Variants in USP20 observed in about 807,000 individuals in gnomAD.
USP20 encodes ubiquitin carboxyl-terminal hydrolase 20.
In USP20, 80 loss-of-function variants were observed where a neutral mutation model predicts 124.2. That is an observed-to-expected ratio of 0.64 (90% CI 0.54 to 0.78). The LOEUF (loss-of-function observed/expected upper bound fraction) is 0.78. Among genes scored for constraint, USP20 ranks in the 30% least tolerant of loss-of-function variants. The pLI, the probability that USP20 is intolerant of heterozygous loss-of-function variation, is 0.00. For missense variants in USP20, 1,043 were observed against 1,244.4 expected (o/e 0.84, Z 2.44); for synonymous variants, 481 against 512.3 (o/e 0.94, Z 0.83).
intron 3 of USP20, 63 bp downstream of exon 3, chr9:129,852,699 G>A: frequency 6.7e-7 from 1 of 1,493,352 alleles, no homozygotes; most frequent in Non-Finnish European, 9.1e-7. Context: ...CCTGGGGTGT[G>A]GACATTTCTG....
At chr9:129,850,685 C>T (rs141243934) in intron 2 of USP20, among the ~76,000 whole-genome samples, 15 of 152,014 alleles carry the variant, frequency 9.9e-5, no homozygotes, top group East Asian at 9.7e-4. Flanking sequence ...GATGGAGTTG[C>T]GCTCTTGTTG....
intron 17 of USP20, 56 bp downstream of exon 17, chr9:129,873,800 A>G (rs936311378): frequency 6.9e-6 from 11 of 1,594,946 alleles, no homozygotes; most frequent in East Asian, 4.5e-5. Context: ...GCACACCAGC[A>G]CACACCAGGC....
chr9:129,863,953 A>G (rs981817679), intron 9 of USP20, among the ~76,000 whole-genome samples: 4 of 151,988 alleles, frequency 2.6e-5, no homozygotes, highest in Non-Finnish European at 5.9e-5. Flanking sequence ...TAAAAATACA[A>G]AAATTAGCTG....
At chr9:129,876,554 G>A (rs1048523367) in intron 22 of USP20, among the ~76,000 whole-genome samples, 8 of 151,652 alleles carry the variant, frequency 5.3e-5, no homozygotes, top group Non-Finnish European at 8.8e-5. Context: ...CAGGATAATC[G>A]CTTGAACCTG....
At chr9:129,873,080 C>CTTCTTTT (rs1463874554) in intron 15 of USP20, among the ~76,000 whole-genome samples, 1 of 78,358 alleles carries the variant, frequency 1.3e-5, no homozygotes, top group South Asian at 5.1e-4. Context: ...TTTTCTTCTT[C>CTTCTTTT]TTTTTTTTTT....
rs1266281673 is a variant in USP20, at chr9:129,880,008, G to A, written c.2585-105G>A. The A allele has an allele frequency of 3.3e-5, 47 of 1,411,476 alleles. 1 individual carries two copies. Among genetic ancestry groups the A allele is most frequent in the African/African-American group, 1.3e-4 (9 of 69,988 alleles). 87.4% of individuals were successfully genotyped at this position (1,411,476 alleles called of 1,614,324 possible). ...GCTTTGCATAGAAGCCCTGGTTGCC[G>A]TCTTCCCGCTTCGGGGCCTGGCCCT... On this transcript the variant is annotated intron_variant, in intron 24 of 25. Coordinates refer to ENST00000372429, the MANE Select transcript of USP20 (RefSeq NM_001110303.4).
At chr9:129,848,818 A>G (rs1035962751) in intron 1 of USP20, among the ~76,000 whole-genome samples, 8 of 152,192 alleles carry the variant, frequency 5.3e-5, no homozygotes, top group African/African-American at 1.4e-4. Flanking sequence ...AGCAGAAACA[A>G]TGAAGAAAAC....
chr9:129,870,949 C>A (rs913283841), intron 15 of USP20, among the ~76,000 whole-genome samples: 2 of 152,064 alleles, frequency 1.3e-5, no homozygotes, highest in African/African-American at 4.8e-5. Context: ...GGCATCTAAA[C>A]CTTTGGGAAA....
chr9:129,875,533 G>C, intron 20 of USP20, 27 bp from the exon 21 acceptor site: 2 of 1,613,830 alleles, frequency 1.2e-6, no homozygotes, highest in Non-Finnish European at 1.7e-6. Context: ...CCGAGCCACA[G>C]CTTCGCTCCC....
At chr9:129,836,362 T>C (rs553968637) in intron 1 of USP20, among the ~76,000 whole-genome samples, 5 of 152,258 alleles carry the variant, frequency 3.3e-5, no homozygotes. Flanking sequence ...TTGAGGTAGA[T>C]TGTTTTTCGT....
chr9:129,873,708 C>T lies in USP20; in HGVS notation c.1704C>T (p.Asn568=), dbSNP rs368753236. The change falls in exon 17 of 26, where the codon AAC becomes AAT. Residue 568 remains asparagine, a synonymous_variant. Coordinates refer to ENST00000372429, the MANE Select transcript of USP20 (RefSeq NM_001110303.4). ...CGTGCTTCCTCCCCAGGCTGCGGAA[C>T]GGAGTGAAGTACTGCAAAGTCCTGC... ...YSCERCKKLR[N]GVKYCKVLRL... The T allele has an allele frequency of 2.2e-4, 352 of 1,613,304 alleles. 11 individuals carry two copies. In the East Asian group the frequency reaches 2.5e-3, roughly 11 times the overall value.
chr9:129,866,813 C>T (rs1292649216), intron 10 of USP20, among the ~76,000 whole-genome samples: 2 of 152,184 alleles, frequency 1.3e-5, no homozygotes, highest in Non-Finnish European at 2.9e-5. Flanking sequence ...AAAGGAAGAA[C>T]CAGAAAGAGA....
intron 15 of USP20, among the ~76,000 whole-genome samples, chr9:129,871,756 G>A (rs1048215121): frequency 2.0e-5 from 3 of 152,118 alleles, no homozygotes; most frequent in Admixed American, 6.5e-5. Context: ...CTCTCTTGAC[G>A]CCCAGGCTGG....
intron 15 of USP20, among the ~76,000 whole-genome samples, chr9:129,872,159 CT>C (rs1230187695): frequency 1.4e-5 from 2 of 147,048 alleles, no homozygotes; most frequent in African/African-American, 2.5e-5. Flanking sequence ...TATAGGGATT[CT>C]TTTTTTTCTT....
chr9:129,855,640 G>A (rs2033173922), intron 3 of USP20, among the ~76,000 whole-genome samples: 1 of 152,114 alleles, frequency 6.6e-6, no homozygotes, highest in African/African-American at 2.4e-5. Flanking sequence ...GGCACACATC[G>A]TTTTTGCTAG....
intron 4 of USP20, among the ~76,000 whole-genome samples, chr9:129,857,609 C>G (rs1007092047): frequency 2.0e-5 from 3 of 152,192 alleles, no homozygotes. Flanking sequence ...ACCTGTGACC[C>G]TTGTTTCAAA....
chr9:129,836,000 G>C (rs7020989), intron 1 of USP20: 26,630 of 152,078 alleles, frequency 0.18, 2,760 homozygotes, highest in South Asian at 0.25. Flanking sequence ...TTGAAGCCAC[G>C]CAAGAGGGTT....
chr9:129,876,182 G>A lies in USP20; in HGVS notation c.2353G>A (p.Val785Met), dbSNP rs765567287. 1.2e-6 allele frequency: 2 copies of A among 1,613,408 alleles called. No individual in the cohort carries two copies. The highest frequency in any genetic ancestry group is 3.3e-5 in the Admixed American group (2 of 60,020). The change falls in exon 22 of 26, where the codon GTG (valine) becomes ATG (methionine). Residue 785 changes from valine (V) to methionine (M), a missense_variant. Coordinates refer to ENST00000372429, the MANE Select transcript of USP20 (RefSeq NM_001110303.4). ...CCTGTACGTGTGCTCCATCTGCCAG[G>A]TGGAGATCGAGGCACTGGCCAAGCG... ...NHLYVCSICQ[V>M]EIEALAKRRR...
rs201397861 is a variant in USP20, at chr9:129,868,944, T to C, written c.1218T>C (p.Ser406=). The change falls in exon 12 of 26, where the codon TCT becomes TCC. Residue 406 remains serine (S), a synonymous_variant. Coordinates refer to ENST00000372429, the MANE Select transcript of USP20 (RefSeq NM_001110303.4). ...VHHHEGHAKL[S]SSPPRASPVR... ...ACCACGAGGGCCATGCCAAGCTGTC[T>C]AGCAGCCCCCCTCGTGCAAGCCCCG... The C allele has an allele frequency of 7.9e-5, 127 of 1,612,856 alleles. 1 individual carries two copies. The African/African-American group carries it at 1.5e-3, about 19-fold the overall frequency.
Sources: allele counts gnomAD v4.1 joint callset (sites outside exome capture counted in the v4.1 genomes callset), GRCh38; gene constraint gnomAD v4.1.1; transcripts MANE v1.5; gene names NCBI Gene and HGNC (gene_info 2026-07-23, HGNC 2026-07-21).